KIAA0825: variants seen among roughly 807,000 people sequenced by gnomAD.
The protein encoded by KIAA0825 is uncharacterized protein KIAA0825.
A neutral mutation model predicts 147.6 loss-of-function variants in KIAA0825; 119 were observed. That is an observed-to-expected ratio of 0.81 (90% CI 0.69 to 0.94). KIAA0825 has a LOEUF of 0.94. Ranked by LOEUF, KIAA0825 falls within the 40% of genes least tolerant of loss-of-function variation. The pLI, the probability that KIAA0825 is intolerant of heterozygous loss-of-function variation, is 0.00. For synonymous variants in KIAA0825, 470 were observed against 518.1 expected, an observed-to-expected ratio of 0.91 and a Z score of 1.26; for missense variants, 1,381 against 1,472.7, an observed-to-expected ratio of 0.94 and a Z score of 1.02.
chr5:94,258,858 T>C (rs1019870502), intron 20 of KIAA0825, among the ~76,000 whole-genome samples: 4 of 152,036 alleles, frequency 2.6e-5, no homozygotes, highest in African/African-American at 9.7e-5. Context: ...ATGGTTGTTA[T>C]TGCATAAAAA....
At chr5:94,165,775 T>G (rs1039629231) in intron 20 of KIAA0825, among the ~76,000 whole-genome samples, 1 of 152,192 alleles carries the variant, frequency 6.6e-6, no homozygotes, top group African/African-American at 2.4e-5. Context: ...TCACATGTTC[T>G]CACTTATTTG....
At chr5:94,452,284 A>G (rs1758512788) in intron 13 of KIAA0825, among the ~76,000 whole-genome samples, 1 of 152,176 alleles carries the variant, frequency 6.6e-6, no homozygotes, top group African/African-American at 2.4e-5. Flanking sequence ...TCCTCAAGAG[A>G]GAGATATAGT....
chr5:94,450,317 T>C (rs771740595), intron 13 of KIAA0825, among the ~76,000 whole-genome samples: 20 of 148,970 alleles, frequency 1.3e-4, no homozygotes, highest in Non-Finnish European at 2.7e-4. Flanking sequence ...ATGTCCCACC[T>C]TCCAATAATT....
chr5:94,428,137 G>C (rs1755137788), intron 14 of KIAA0825, among the ~76,000 whole-genome samples: 1 of 141,102 alleles, frequency 7.1e-6, no homozygotes, highest in Non-Finnish European at 1.5e-5. Flanking sequence ...AGAGGATAAG[G>C]TCTTGTTGTG....
In KIAA0825 at chr5:94,529,245, CAT is replaced by C. The variant is rs767186096; in HGVS notation, c.132-5149_132-5148del. Among the ~76,000 whole-genome samples the C allele has an allele frequency of 3.5e-3, 403 of 115,152 alleles. 1 individual carries two copies. The highest frequency in any genetic ancestry group is 5.4e-3 in the Non-Finnish European group (323 of 59,382). 75.5% of individuals were successfully genotyped at this position (115,152 alleles called of 152,430 possible). On this transcript the variant is annotated intron_variant, in intron 3 of 20. Transcript: ENST00000682413. ...TATGTATCATATATATGTATATATA[CAT>C]ATATATGTATATATCATATATATGT...
chr5:94,398,912 T>C (rs1246339415), intron 16 of KIAA0825, among the ~76,000 whole-genome samples: 1 of 152,138 alleles, frequency 6.6e-6, no homozygotes, highest in African/African-American at 2.4e-5. Flanking sequence ...AGTCACTCTG[T>C]TCCAAAAAAG....
At chr5:94,582,106 G>A (rs917824928) in intron 2 of KIAA0825, among the ~76,000 whole-genome samples, 1 of 152,190 alleles carries the variant, frequency 6.6e-6, no homozygotes, top group African/African-American at 2.4e-5. Context: ...GTCAGTTAGT[G>A]GTGGTTTTAT....
chr5:94,418,989 A>G (rs148154662), intron 14 of KIAA0825, among the ~76,000 whole-genome samples: 17 of 152,074 alleles, frequency 1.1e-4, no homozygotes, highest in African/African-American at 3.9e-4. Context: ...GTGATTCTCC[A>G]CCAACAGCCT....
chr5:94,444,396 T>G (rs1402103013), intron 13 of KIAA0825, among the ~76,000 whole-genome samples: 3 of 152,156 alleles, frequency 2.0e-5, no homozygotes, highest in Non-Finnish European at 4.4e-5. Context: ...GGCTTGCTAC[T>G]GCATAAAGGG....
intron 5 of KIAA0825, among the ~76,000 whole-genome samples, chr5:94,491,628 G>A (rs1420841860): frequency 6.6e-6 from 1 of 152,184 alleles, no homozygotes; most frequent in East Asian, 1.9e-4. Context: ...ACGCTAAGAT[G>A]AAATTGAAAC....
chr5:94,455,174 T>C (rs1016723943), intron 12 of KIAA0825, among the ~76,000 whole-genome samples: 2 of 151,966 alleles, frequency 1.3e-5, no homozygotes, highest in African/African-American at 4.8e-5. Context: ...ATGGGTGAAT[T>C]CACACTACCC....
chr5:94,186,491 A>C (rs1770131180), intron 20 of KIAA0825, among the ~76,000 whole-genome samples: 1 of 152,208 alleles, frequency 6.6e-6, no homozygotes. Flanking sequence ...AAATAAGTCA[A>C]TTTGTAGGTG....
intron 9 of KIAA0825, 99 bp downstream of exon 9, chr5:94,471,367 T>C: frequency 2.4e-6 from 3 of 1,244,312 alleles, no homozygotes; most frequent in Non-Finnish European, 3.3e-6. Flanking sequence ...TATTATTTTC[T>C]CTTTCTCAAA....
intron 2 of KIAA0825, among the ~76,000 whole-genome samples, chr5:94,563,514 T>C (rs1345984751): frequency 6.6e-6 from 1 of 151,818 alleles, no homozygotes; most frequent in Non-Finnish European, 1.5e-5. Flanking sequence ...AATATAAAAC[T>C]AAAAAAAAGT....
chr5:94,255,365 G>A (rs1776190722), intron 20 of KIAA0825, among the ~76,000 whole-genome samples: 1 of 151,734 alleles, frequency 6.6e-6, no homozygotes, highest in African/African-American at 2.4e-5. Context: ...AGCATGAAGA[G>A]GCCTTACAGA....
At chr5:94,298,878 T>C (rs1194324058) in intron 20 of KIAA0825, among the ~76,000 whole-genome samples, 2 of 152,186 alleles carry the variant, frequency 1.3e-5, no homozygotes, top group Non-Finnish European at 2.9e-5. Flanking sequence ...GATGTAAAAA[T>C]GTGTCACCAC....
chr5:94,495,533 A>G (rs1379396366), intron 5 of KIAA0825, among the ~76,000 whole-genome samples: 1 of 152,220 alleles, frequency 6.6e-6, no homozygotes. Context: ...ACCTGCAGTG[A>G]CAGGAGACAG....
intron 20 of KIAA0825, among the ~76,000 whole-genome samples, chr5:94,341,524 TAGGA>T (rs1420528724): frequency 6.6e-6 from 1 of 152,076 alleles, no homozygotes; most frequent in East Asian, 1.9e-4. Context: ...GGGTTCGAGG[TAGGA>T]TGGAGGGCTG....
chr5:94,217,944 A>G (rs1773348557), intron 20 of KIAA0825, among the ~76,000 whole-genome samples: 1 of 152,194 alleles, frequency 6.6e-6, no homozygotes, highest in Non-Finnish European at 1.5e-5. Context: ...CAATAGTATT[A>G]CAATCATAAA....
Sources: allele counts gnomAD v4.1 joint callset (sites outside exome capture counted in the v4.1 genomes callset), GRCh38; gene constraint gnomAD v4.1.1; transcripts MANE v1.5; gene names NCBI Gene and HGNC (gene_info 2026-07-23, HGNC 2026-07-21).